SPEF2: variants seen among roughly 807,000 people sequenced by gnomAD.
SPEF2 encodes sperm flagella and cilia-associated protein 2.
A neutral mutation model predicts 224.6 loss-of-function variants in SPEF2; 187 were observed. The observed-to-expected ratio is 0.83, with a 90% CI of 0.74 to 0.94. The LOEUF (loss-of-function observed/expected upper bound fraction) is 0.94. Among genes scored for constraint, SPEF2 ranks in the 40% least tolerant of loss-of-function variants. The probability of loss-of-function intolerance (pLI) is 0.00; values close to 1 mark genes in which losing one functional copy is unlikely to be tolerated. For missense variants in SPEF2, 2,170 were observed against 2,135.6 expected, an observed-to-expected ratio of 1.02 and a Z score of -0.32; for synonymous variants, 715 against 707.3, an observed-to-expected ratio of 1.01 and a Z score of -0.17.
At chr5:35,654,505 A>G (rs1193637099) in intron 6 of SPEF2, 35 bp from the exon 7 acceptor site, 4 of 1,489,924 alleles carry the variant, frequency 2.7e-6, no homozygotes, top group Non-Finnish European at 3.6e-6. Flanking sequence ...TCACATTATT[A>G]TTTAAAAATC....
At chr5:35,676,194 T>C (rs1340998192) in intron 10 of SPEF2, among the ~76,000 whole-genome samples, 1 of 152,204 alleles carries the variant, frequency 6.6e-6, no homozygotes, top group Non-Finnish European at 1.5e-5. Flanking sequence ...CACTCATTTT[T>C]ATTTGTTCTT....
chr5:35,656,118 G>A (rs1435725275), intron 7 of SPEF2, among the ~76,000 whole-genome samples: 2 of 152,162 alleles, frequency 1.3e-5, no homozygotes, highest in African/African-American at 4.8e-5. Flanking sequence ...CACCTGGATG[G>A]CTGGAGGTGT....
chr5:35,808,227 G>A, intron 36 of SPEF2: 1 of 846,560 alleles, frequency 1.2e-6, no homozygotes, highest in South Asian at 5.4e-5. Flanking sequence ...TTTATTGCCT[G>A]TATTAGTATA....
intron 1 of SPEF2, 104 bp from the exon 2 acceptor site, chr5:35,628,356 C>G: frequency 1.7e-6 from 1 of 592,502 alleles, no homozygotes; most frequent in Non-Finnish European, 2.9e-6. Flanking sequence ...ATTTTGAGTT[C>G]CAGTTAAATT....
Position 35,776,155 on chromosome 5 carries a change from G to A in SPEF2, c.4079-102G>A, listed in dbSNP as rs886136000. 12 of 1,218,504 alleles carry A rather than the reference G, an allele frequency of 9.8e-6. No individual in the cohort carries two copies. The Admixed American group carries it at 2.1e-4, about 21-fold the overall frequency. The allele number at this position is 1,218,504 out of a possible 1,614,324, so 75.5% of individuals were successfully genotyped here. On this transcript the variant is annotated intron_variant, in intron 28 of 36. Transcript: ENST00000356031. ...CTGGTATATTAAACGTGCACCTAAA[G>A]CTTCACAAATTGAAGCACCAGTGGT...
intron 7 of SPEF2, among the ~76,000 whole-genome samples, chr5:35,657,666 T>G (rs2149445013): frequency 6.6e-6 from 1 of 152,196 alleles, no homozygotes; most frequent in Admixed American, 6.5e-5. Context: ...GGACCAGGTC[T>G]GAAGGGGAGT....
chr5:35,791,092 C>T (rs1210197539), intron 30 of SPEF2: 1 of 152,136 alleles, frequency 6.6e-6, no homozygotes, highest in Non-Finnish European at 1.5e-5. Context: ...ATGGCTGTAG[C>T]TTGAAGAACA....
intron 23 of SPEF2, among the ~76,000 whole-genome samples, chr5:35,752,079 G>A (rs1749744290): frequency 1.3e-5 from 2 of 152,106 alleles, no homozygotes; most frequent in African/African-American, 4.8e-5. Flanking sequence ...TCACAATAGG[G>A]TTCAGGCTTC....
intron 20 of SPEF2, among the ~76,000 whole-genome samples, chr5:35,717,898 T>C (rs1217667490): frequency 1.3e-5 from 2 of 152,192 alleles, no homozygotes; most frequent in Non-Finnish European, 2.9e-5. Context: ...TAACGCTTCC[T>C]GCTGACAGGG....
intron 2 of SPEF2, among the ~76,000 whole-genome samples, chr5:35,633,175 T>G (rs1745366607): frequency 1.3e-5 from 2 of 152,206 alleles, no homozygotes; most frequent in African/African-American, 4.8e-5. Context: ...TATCCAGGTC[T>G]TACATTTCCT....
rs1378760580 is a variant in SPEF2, at chr5:35,670,241, T to C, written c.1524+14T>C. On this transcript the variant is annotated intron_variant, in intron 10 of 36. Coordinates refer to ENST00000356031, the MANE Select transcript of SPEF2 (RefSeq NM_024867.4). The stretch of plus-strand genomic sequence containing the variant: ...GAAGAATATAAGGTACCTACTGATA[T>C]GAAATAATTAGAATGCTACATAATA... 2 of 1,578,620 alleles carry C rather than the reference T, an allele frequency of 1.3e-6. No individual in the cohort carries two copies. The highest frequency in any genetic ancestry group is 1.4e-5 in the African/African-American group (1 of 73,076).
chr5:35,814,385 A>G lies in SPEF2; in HGVS notation c.5380-79A>G, dbSNP rs1361104788. On this transcript the variant is annotated intron_variant, in intron 36 of 36. Transcript: ENST00000356031. ...AATGGTTGCCATGTACTATGTGATCATTTATTAGTATTTGTATAGTATAGT... is the reference window on the plus strand; with the variant it reads ...AATGGTTGCCATGTACTATGTGATCGTTTATTAGTATTTGTATAGTATAGT... The G allele has an allele frequency of 5.8e-6, 4 of 690,096 alleles. No homozygotes were observed. In the South Asian group the frequency reaches 1.3e-4, roughly 23 times the overall value. 42.7% of individuals were successfully genotyped at this position (690,096 alleles called of 1,614,324 possible).
rs1755229413 is a variant in SPEF2 at position 35,695,812 on chromosome 5, T to G, written c.2037+16T>G. ...TTTCTTAAAAGTAAGTATTATGATC[T>G]AATTTTAGCTACTAACATATTAAAA... On this transcript the variant is annotated intron_variant, in intron 14 of 36. Transcript: ENST00000356031. The G allele has an allele frequency of 6.4e-7, 1 of 1,568,786 alleles. No individual in the cohort carries two copies. Among genetic ancestry groups the G allele is most frequent in the Admixed American group, 1.7e-5 (1 of 57,394 alleles).
At chr5:35,688,006 G>T (rs12655830) in intron 10 of SPEF2, among the ~76,000 whole-genome samples, 16,783 of 152,144 alleles carry the variant, frequency 0.11, 1,383 homozygotes, top group East Asian at 0.38. Context: ...AGCAGGAAAA[G>T]AAAATACTCA....
intron 10 of SPEF2, among the ~76,000 whole-genome samples, chr5:35,678,030 A>G (rs1752264311): frequency 6.6e-6 from 1 of 152,252 alleles, no homozygotes; most frequent in Admixed American, 6.5e-5. Flanking sequence ...AGGCCTTGAC[A>G]GTGACCATTG....
chr5:35,670,099 T>A lies in SPEF2; in HGVS notation c.1396T>A (p.Phe466Ile). The A allele has an allele frequency of 6.2e-7, 1 of 1,610,008 alleles. No individual in the cohort carries two copies. The highest frequency in any genetic ancestry group is 8.5e-7 in the Non-Finnish European group (1 of 1,178,232). ...GTTGATGCATGATTGGAAGGAACTA[T>A]TTTTTAATGCAAAACCCATATATGA... is the stretch of plus-strand genomic sequence containing the variant. ...YKLMHDWKEL[F>I]FNAKPIYEQA... The change falls in exon 10 of 37, where the codon TTT becomes ATT. Residue 466 changes from phenylalanine to isoleucine, a missense_variant. Phe to Ile is a conservative substitution (Grantham distance 21). Transcript: ENST00000356031.
At position 35,776,451 on chromosome 5, in the gene SPEF2, T is replaced by C. The variant is rs1047145593; in HGVS notation, c.4217+56T>C. ...GCTTTGTGTATTCTAAGTACCAAAA[T>C]TGATGAAGATTTTTAAGGTATTTAC... On this transcript the variant is annotated intron_variant, in intron 29 of 36. Transcript: ENST00000356031. 14 of 1,528,140 alleles carry C rather than the reference T, an allele frequency of 9.2e-6. No individual in the cohort carries two copies. In the South Asian group the frequency reaches 1.8e-4, roughly 20 times the overall value. The allele number at this position is 1,528,140 out of a possible 1,614,324, so 94.7% of individuals were successfully genotyped here.
At chr5:35,719,611 GA>G (rs1473628198) in intron 20 of SPEF2, among the ~76,000 whole-genome samples, 1 of 151,248 alleles carries the variant, frequency 6.6e-6, no homozygotes, top group Admixed American at 6.6e-5. Flanking sequence ...GAACCTGTTA[GA>G]AAGTGGCATT....
chr5:35,695,038 T>A (rs1228410210), intron 13 of SPEF2, among the ~76,000 whole-genome samples: 1 of 152,164 alleles, frequency 6.6e-6, no homozygotes, highest in Non-Finnish European at 1.5e-5. Flanking sequence ...TGTGCTATCA[T>A]TATTATTGCC....
Sources: gnomAD v4.1 joint callset for allele counts (sites outside exome capture counted in the v4.1 genomes callset) on GRCh38, gnomAD v4.1.1 for gene constraint, MANE v1.5 for transcripts, NCBI Gene and HGNC (gene_info 2026-07-23, HGNC 2026-07-21) for gene names.